Variants in FAM117B observed in about 807,000 individuals in gnomAD.
The protein encoded by FAM117B is family with sequence similarity 117 member B, also known as protein FAM117B.
In FAM117B, 22 loss-of-function variants were observed where a neutral mutation model predicts 52.8. The observed-to-expected ratio is 0.42, with a 90% CI of 0.30 to 0.59. FAM117B has a LOEUF of 0.59. FAM117B is among the 20% of genes least tolerant of loss of function. The probability of loss-of-function intolerance (pLI) is 0.22; values close to 1 mark genes in which losing one functional copy is unlikely to be tolerated. For missense variants in FAM117B, 678 were observed against 802.6 expected (o/e 0.84, Z 1.88); for synonymous variants, 309 against 324.1 (o/e 0.95, Z 0.50).
At chr2:202,652,804 A>C (rs749940143) in intron 1 of FAM117B, among the ~76,000 whole-genome samples, 3 of 152,194 alleles carry the variant, frequency 2.0e-5, no homozygotes, top group Non-Finnish European at 4.4e-5. Context: ...TCAATTGTAT[A>C]GGGAAGATTG....
chr2:202,645,012 C>T (rs1312337848), intron 1 of FAM117B, among the ~76,000 whole-genome samples: 1 of 151,152 alleles, frequency 6.6e-6, no homozygotes, highest in East Asian at 1.9e-4. Flanking sequence ...TGTTTTTTGT[C>T]TTTTTGGAAG....
rs139741145 is a variant in FAM117B at position 202,698,798 on chromosome 2, G to A, written c.753+2766G>A. On this transcript the variant is annotated intron_variant, in intron 2 of 7. Coordinates refer to ENST00000392238, the MANE Select transcript of FAM117B (RefSeq NM_173511.4). ...ACAATCTGTAACTTTGCTGAGCTTAGGGCATGTAGTTTGGAAAATGAATAC... is the reference window on the plus strand; with the variant it reads ...ACAATCTGTAACTTTGCTGAGCTTAAGGCATGTAGTTTGGAAAATGAATAC... 1.5e-3 allele frequency among the ~76,000 whole-genome samples: 232 copies of A among 152,290 alleles called. 1 individual carries two copies. The highest frequency in any genetic ancestry group is 4.9e-3 in the African/African-American group (203 of 41,556).
At chr2:202,722,007 A>ATTT (rs57678317) in intron 2 of FAM117B, among the ~76,000 whole-genome samples, 34 of 128,592 alleles carry the variant, frequency 2.6e-4, no homozygotes, top group Admixed American at 6.7e-4. Context: ...TAAAGATACA[A>ATTT]TTTTTTTTTT....
Position 202,766,102 on chromosome 2 carries a change from A to ACACACACAC in FAM117B, c.*343_*344insACACCACAC. ...CACACACACACACACACACACACAC[A>ACACACACAC]CACACCCCTGATCCTTGCCAACATG... On this transcript the variant is annotated 3_prime_UTR_variant, in exon 8 of 8. Transcript: ENST00000392238. 1 of 190,658 alleles carries ACACACACAC rather than the reference A, an allele frequency of 5.2e-6. No individual in the cohort carries two copies. The highest frequency in any genetic ancestry group is 1.1e-5 in the Non-Finnish European group (1 of 93,376). The allele number at this position is 190,658 out of a possible 1,614,324, so 11.8% of individuals were successfully genotyped here.
chr2:202,680,138 A>G (rs150340451), intron 1 of FAM117B, among the ~76,000 whole-genome samples: 1 of 152,348 alleles, frequency 6.6e-6, no homozygotes, highest in Non-Finnish European at 1.5e-5. Context: ...AAACGGCAGT[A>G]GAAACCACAC....
chr2:202,667,870 T>TAATACATTCC, intron 1 of FAM117B, among the ~76,000 whole-genome samples: 2 of 150,880 alleles, frequency 1.3e-5, no homozygotes, highest in Non-Finnish European at 2.9e-5. Flanking sequence ...CAGAAAAGAG[T>TAATACATTCC]AGTGGATTGA....
At chr2:202,656,591 C>T (rs1424465242) in intron 1 of FAM117B, among the ~76,000 whole-genome samples, 1 of 151,970 alleles carries the variant, frequency 6.6e-6, no homozygotes, top group Non-Finnish European at 1.5e-5. Flanking sequence ...TTCTTTTCTT[C>T]TAAATTTGTT....
intron 1 of FAM117B, among the ~76,000 whole-genome samples, chr2:202,666,100 T>A (rs186281525): frequency 6.6e-6 from 1 of 152,286 alleles, no homozygotes; most frequent in East Asian, 1.9e-4. Flanking sequence ...CATTCTGCAA[T>A]TTGTGTCTGC....
intron 2 of FAM117B, among the ~76,000 whole-genome samples, chr2:202,700,050 C>T (rs1041405576): frequency 2.0e-5 from 3 of 152,160 alleles, no homozygotes; most frequent in Non-Finnish European, 4.4e-5. Flanking sequence ...TGTATTCTGA[C>T]TGCTGTTCTG....
At chr2:202,676,326 A>G (rs1690378793) in intron 1 of FAM117B, among the ~76,000 whole-genome samples, 1 of 151,474 alleles carries the variant, frequency 6.6e-6, no homozygotes, top group Non-Finnish European at 1.5e-5. Flanking sequence ...CAGCTGAATC[A>G]TACCTGGATT....
intron 2 of FAM117B, among the ~76,000 whole-genome samples, chr2:202,698,126 A>C (rs775807402): frequency 3.3e-5 from 5 of 152,150 alleles, no homozygotes; most frequent in Admixed American, 2.0e-4. Context: ...CAGCCTCCCA[A>C]AGTGCTGGGA....
intron 2 of FAM117B, among the ~76,000 whole-genome samples, chr2:202,715,068 G>A (rs543513197): frequency 1.3e-5 from 2 of 152,304 alleles, no homozygotes; most frequent in African/African-American, 4.8e-5. Flanking sequence ...AGACGGGGTG[G>A]TGGCGGGGCA....
At chr2:202,699,083 G>A (rs898844141) in intron 2 of FAM117B, among the ~76,000 whole-genome samples, 3 of 152,024 alleles carry the variant, frequency 2.0e-5, no homozygotes, top group Non-Finnish European at 4.4e-5. Context: ...TATATTCCTT[G>A]CCTTTTTCTA....
chr2:202,725,428 C>T (rs558709053), intron 3 of FAM117B, among the ~76,000 whole-genome samples: 39 of 151,562 alleles, frequency 2.6e-4, no homozygotes, highest in Non-Finnish European at 5.0e-4. Flanking sequence ...AAGCAATTCT[C>T]GTGCCTCAGC....
chr2:202,659,946 T>C (rs1350798938), intron 1 of FAM117B, among the ~76,000 whole-genome samples: 2 of 151,872 alleles, frequency 1.3e-5, no homozygotes, highest in African/African-American at 4.8e-5. Flanking sequence ...TTCCCCCACC[T>C]TTTTTTCACT....
intron 4 of FAM117B, among the ~76,000 whole-genome samples, chr2:202,740,321 C>T (rs1012136636): frequency 8.0e-6 from 1 of 125,720 alleles, no homozygotes; most frequent in African/African-American, 3.1e-5. Context: ...GATCACACTA[C>T]AGCACTTCAG....
intron 1 of FAM117B, among the ~76,000 whole-genome samples, chr2:202,686,841 T>C (rs2105772724): frequency 6.6e-6 from 1 of 151,924 alleles, no homozygotes; most frequent in South Asian, 2.1e-4. Context: ...AACCAAATTG[T>C]AGTATTTTGT....
rs548487446 is a variant in FAM117B, at chr2:202,755,840, GT to G, written c.1104+163del. ...TTTGACCTGGGTGAGTGAATGAAAA[GT>G]TTTCATTTTGTTGCATGTCATAGAG... On this transcript the variant is annotated intron_variant, in intron 5 of 7. Coordinates refer to ENST00000392238, the MANE Select transcript of FAM117B (RefSeq NM_173511.4). 1.3e-3 allele frequency among the ~76,000 whole-genome samples: 203 copies of G among 152,252 alleles called. 1 individual carries two copies. The highest frequency in any genetic ancestry group is 4.5e-3 in the African/African-American group (189 of 41,550).
At chr2:202,724,808 A>T in intron 2 of FAM117B, 109 bp from the exon 3 acceptor site, 2 of 676,888 alleles carry the variant, frequency 3.0e-6, no homozygotes, top group Non-Finnish European at 4.5e-6. Flanking sequence ...AATTATTTTT[A>T]ATGTCTAATT....
Sources: gnomAD v4.1 joint callset for allele counts (sites outside exome capture counted in the v4.1 genomes callset) on GRCh38, gnomAD v4.1.1 for gene constraint, MANE v1.5 for transcripts, NCBI Gene and HGNC (gene_info 2026-07-23, HGNC 2026-07-21) for gene names.